Variants in ERBB3 observed in about 807,000 individuals in gnomAD.
The protein encoded by ERBB3 is receptor tyrosine-protein kinase erbB-3.
In ERBB3, 96 loss-of-function variants were observed where a neutral mutation model predicts 156.7. That is an observed-to-expected ratio of 0.61 (90% CI 0.52 to 0.73). ERBB3 has a LOEUF of 0.73. Among genes scored for constraint, ERBB3 ranks in the 30% least tolerant of loss-of-function variants. The pLI, the probability that ERBB3 is intolerant of heterozygous loss-of-function variation, is 0.00. For synonymous variants in ERBB3, 567 were observed against 632.0 expected (o/e 0.90, Z 1.54); for missense variants, 1,406 against 1,709.4 (o/e 0.82, Z 3.13).
At chr12:56,091,225 T>C (rs1027103002) in intron 9 of ERBB3, among the ~76,000 whole-genome samples, 1 of 135,970 alleles carries the variant, frequency 7.4e-6, no homozygotes, top group African/African-American at 2.9e-5. Context: ...GCCCCCTGAG[T>C]AGCTGGGATT....
Position 56,083,772 on chromosome 12 carries a change from G to A in ERBB3, c.104G>A (p.Gly35Asp). ...ACAGTGTGTCCTGGGACTCTGAATG[G>A]CCTGAGTGTGACCGGCGATGCTGAG... ...SQAVCPGTLN[G>D]LSVTGDAENQ... The change falls in exon 2 of 28, where the codon GGC becomes GAC. Residue 35 changes from glycine (G) to aspartate (D), a missense_variant. Gly to Asp is a moderately conservative substitution (Grantham distance 94). Around this residue, in one of 3 missense-constraint regions of ERBB3, gnomAD observed 979 missense variants for 1,219.6 expected, o/e 0.80. Transcript: ENST00000267101. The A allele has an allele frequency of 6.2e-7, 1 of 1,614,106 alleles. No individual in the cohort carries two copies. Among genetic ancestry groups the A allele is most frequent in the Non-Finnish European group, 8.5e-7 (1 of 1,180,006 alleles).
chr12:56,098,187 A>G (rs995821881), intron 21 of ERBB3: 13 of 561,646 alleles, frequency 2.3e-5, no homozygotes, highest in African/African-American at 2.1e-4. Flanking sequence ...GGTGGATCAC[A>G]AGGTCAGGAG....
chr12:56,096,120 C>T (rs1287957322), intron 17 of ERBB3: 1 of 513,110 alleles, frequency 1.9e-6, no homozygotes, highest in African/African-American at 1.9e-5. Flanking sequence ...GAGGAAATAA[C>T]ATTTGTCCTT....
intron 14 of ERBB3, 61 bp from the exon 15 acceptor site, chr12:56,094,341 C>T (rs2136812599): frequency 3.1e-6 from 5 of 1,600,760 alleles, no homozygotes; most frequent in Non-Finnish European, 4.3e-6. Flanking sequence ...TTGGTCTTTG[C>T]TGGGAGGTAT....
At chr12:56,090,497 A>G (rs1408262080) in intron 9 of ERBB3, among the ~76,000 whole-genome samples, 1 of 152,052 alleles carries the variant, frequency 6.6e-6, no homozygotes, top group Non-Finnish European at 1.5e-5. Context: ...TACAAAAATT[A>G]GCTGGGCGTG....
In ERBB3 at chr12:56,085,469, G is replaced by T. The variant is rs982068402; in HGVS notation, c.421+288G>T. The T allele has an allele frequency of 3.6e-6, 5 of 1,375,230 alleles. No homozygotes were observed. In the African/African-American group the frequency reaches 4.3e-5, roughly 12 times the overall value. 85.2% of individuals were successfully genotyped at this position (1,375,230 alleles called of 1,614,324 possible). A position where few individuals can be genotyped will look rare whatever the true frequency, so the allele number is the denominator to read the frequency against. ...CAAAGTACAGTGTACCGGAGGCCAGGCCTGATGGCTTACACCTGTAATCCC... is the reference window on the plus strand; with the variant it reads ...CAAAGTACAGTGTACCGGAGGCCAGTCCTGATGGCTTACACCTGTAATCCC... On this transcript the variant is annotated intron_variant, in intron 3 of 27. Transcript: ENST00000267101.
Position 56,098,742 on chromosome 12 carries a change from A to G in ERBB3, c.2693-17A>G, listed in dbSNP as rs746813286. On this transcript the variant is annotated splice_polypyrimidine_tract_variant and intron_variant, in intron 22 of 27. Coordinates refer to ENST00000267101, the MANE Select transcript of ERBB3 (RefSeq NM_001982.4). ...CTACTATTTTGCCAGTGACTAGTCC[A>G]TGTCTTCCTGCAACAGGTGTGACAG... 1.6e-5 allele frequency: 26 copies of G among 1,614,012 alleles called. No homozygotes were observed. Among genetic ancestry groups the G allele is most frequent in the Non-Finnish European group, 2.1e-5 (25 of 1,179,940 alleles).
chr12:56,098,661 A>G (rs1337999528), intron 22 of ERBB3, 86 bp downstream of exon 22: 17 of 1,572,108 alleles, frequency 1.1e-5, no homozygotes, highest in Non-Finnish European at 1.5e-5. Flanking sequence ...ATCTCTAAGC[A>G]CTTCAGATTT....
At chr12:56,084,184 A>C (rs1868400280) in intron 2 of ERBB3, among the ~76,000 whole-genome samples, 1 of 152,158 alleles carries the variant, frequency 6.6e-6, no homozygotes, top group South Asian at 2.1e-4. Context: ...CCTGAGGACC[A>C]AGAGGTTACC....
intron 9 of ERBB3, among the ~76,000 whole-genome samples, chr12:56,091,511 C>T (rs546895088): frequency 6.7e-6 from 1 of 149,492 alleles, no homozygotes; most frequent in East Asian, 2.0e-4. Flanking sequence ...AGGTTCAAGC[C>T]ATTCTCTATA....
chr12:56,093,300 G>A lies in ERBB3; in HGVS notation c.1275-45G>A, dbSNP rs78667723. On this transcript the variant is annotated intron_variant, in intron 11 of 27. Transcript: ENST00000267101. Reference sequence around the variant, plus strand: ...AACATGAATCCTTTGAATAGTTAATGTTCCCTTAGTAGTCTCTCCTCTCAT... The same window carrying A: ...AACATGAATCCTTTGAATAGTTAATATTCCCTTAGTAGTCTCTCCTCTCAT... 491 of 1,529,068 alleles carry A rather than the reference G, an allele frequency of 3.2e-4. No individual in the cohort carries two copies. The African/African-American group carries it at 5.9e-3, about 18-fold the overall frequency. 94.7% of individuals were successfully genotyped at this position (1,529,068 alleles called of 1,614,324 possible).
At chr12:56,080,405 C>A (rs777718028) in intron 1 of ERBB3, 23 bp downstream of exon 1, 3 of 1,559,058 alleles carry the variant, frequency 1.9e-6, no homozygotes, top group East Asian at 2.3e-5. Context: ...AGAGCACCGG[C>A]GGGCTCGGCA....
intron 9 of ERBB3, 144 bp downstream of exon 9, chr12:56,089,012 C>A: frequency 9.3e-7 from 1 of 1,075,132 alleles, no homozygotes; most frequent in Non-Finnish European, 1.4e-6. Flanking sequence ...TGAAAGAATG[C>A]TTAACACATC....
intron 1 of ERBB3, among the ~76,000 whole-genome samples, chr12:56,080,779 C>G (rs774343000): frequency 7.2e-5 from 11 of 152,200 alleles, no homozygotes; most frequent in Admixed American, 1.3e-4. Flanking sequence ...CCCTGCCCCC[C>G]ACCCGCGCCG....
chr12:56,088,171 C>T lies in ERBB3; in HGVS notation c.874+9C>T, dbSNP rs2136795769. ...TGTAGCCAGCTGTCCCCGTAAGTGT[C>T]TGAGGGGAAGGAACAATGATCAACA... On this transcript the variant is annotated intron_variant, in intron 7 of 27. Transcript: ENST00000267101. 1.2e-6 allele frequency: 2 copies of T among 1,613,626 alleles called. No homozygotes were observed. The highest frequency in any genetic ancestry group is 1.7e-6 in the Non-Finnish European group (2 of 1,179,610).
chr12:56,089,294 A>T (rs1409034578), intron 9 of ERBB3, among the ~76,000 whole-genome samples: 1 of 151,790 alleles, frequency 6.6e-6, no homozygotes, highest in African/African-American at 2.4e-5. Flanking sequence ...ATTTTTTTGT[A>T]TTTTTTTGTA....
At chr12:56,084,612 A>AAC (rs386376617) in intron 2 of ERBB3, among the ~76,000 whole-genome samples, 51 of 151,082 alleles carry the variant, frequency 3.4e-4, no homozygotes, top group Non-Finnish European at 4.4e-5. Context: ...AAAAAAAAAA[A>AAC]AGGCCAAGCT....
In ERBB3 at chr12:56,098,495, C is replaced by T. The variant is rs368234642; in HGVS notation, c.2617-5C>T. 32 of 1,602,140 alleles carry T rather than the reference C, an allele frequency of 2.0e-5. No homozygotes were observed. Among genetic ancestry groups the T allele is most frequent in the African/African-American group, 4.0e-5 (3 of 74,618 alleles). ...ACTTGTGATACCTCTATCTTTAATC[C>T]GCAGACTCCAATTAAGTGGATGGCC... On this transcript the variant is annotated splice_polypyrimidine_tract_variant and splice_region_variant and intron_variant, in intron 21 of 27. Transcript: ENST00000267101.
At chr12:56,081,708 T>A (rs1868355888) in intron 1 of ERBB3, among the ~76,000 whole-genome samples, 1 of 152,118 alleles carries the variant, frequency 6.6e-6, no homozygotes, top group Admixed American at 6.5e-5. Context: ...ACCCTTTATC[T>A]GGGTCCTGCA....
Sources: allele counts gnomAD v4.1 joint callset (sites outside exome capture counted in the v4.1 genomes callset), GRCh38; gene constraint gnomAD v4.1.1; regional missense constraint gnomAD v4.1.1; transcripts MANE v1.5; gene names NCBI Gene and HGNC (gene_info 2026-07-23, HGNC 2026-07-21).